Variants in ROBO1 observed in about 807,000 individuals in gnomAD.
The protein encoded by ROBO1 is roundabout guidance receptor 1.
In ROBO1, 149 loss-of-function variants were observed where a neutral mutation model predicts 195.9. That is an observed-to-expected ratio of 0.76 (90% CI 0.67 to 0.87). The LOEUF (loss-of-function observed/expected upper bound fraction) is 0.87, where lower values mean the gene tolerates loss of function less well. Among genes scored for constraint, ROBO1 ranks in the 40% least tolerant of loss-of-function variants. ROBO1 has a pLI of 0.00. For missense variants in ROBO1, 1,933 were observed against 2,068.3 expected, an observed-to-expected ratio of 0.93 and a Z score of 1.27; for synonymous variants, 816 against 733.2, an observed-to-expected ratio of 1.11 and a Z score of -1.82.
chr3:79,473,617 C>T (rs1164031778), intron 2 of ROBO1, among the ~76,000 whole-genome samples: 1 of 151,944 alleles, frequency 6.6e-6, no homozygotes, highest in Non-Finnish European at 1.5e-5. Flanking sequence ...AAATTATTTT[C>T]AGTGATAGTC....
At chr3:79,545,162 A>C (rs1294908427) in intron 2 of ROBO1, among the ~76,000 whole-genome samples, 2 of 152,192 alleles carry the variant, frequency 1.3e-5, no homozygotes, top group African/African-American at 4.8e-5. Context: ...TAAACTGCAG[A>C]GTTCCAAGGA....
intron 7 of ROBO1, among the ~76,000 whole-genome samples, chr3:78,716,006 T>G (rs1292984441): frequency 6.6e-6 from 1 of 152,224 alleles, no homozygotes; most frequent in African/African-American, 2.4e-5. Context: ...ATGCTAAACT[T>G]TATGCCATTC....
At chr3:78,673,546 C>A (rs1379355764) in intron 10 of ROBO1, among the ~76,000 whole-genome samples, 44 of 78,904 alleles carry the variant, frequency 5.6e-4, no homozygotes, top group South Asian at 8.2e-4. Flanking sequence ...TATATTACAG[C>A]TAGGTTACAT....
chr3:79,315,799 A>C (rs1207356263), intron 2 of ROBO1, among the ~76,000 whole-genome samples: 1 of 152,224 alleles, frequency 6.6e-6, no homozygotes, highest in African/African-American at 2.4e-5. Flanking sequence ...GCAACTGCCA[A>C]CATACACATA....
At chr3:79,002,197 C>T (rs1030525757) in intron 3 of ROBO1, among the ~76,000 whole-genome samples, 1 of 152,080 alleles carries the variant, frequency 6.6e-6, no homozygotes, top group Non-Finnish European at 1.5e-5. Context: ...ACATGAAATG[C>T]TGGCCTGGAA....
intron 1 of ROBO1, among the ~76,000 whole-genome samples, chr3:79,654,100 C>T (rs577761516): frequency 2.0e-5 from 3 of 151,990 alleles, no homozygotes; most frequent in East Asian, 1.9e-4. Flanking sequence ...GTTACAAGCA[C>T]GTTTATAAAG....
intron 4 of ROBO1, among the ~76,000 whole-genome samples, chr3:78,853,582 T>C (rs1391299526): frequency 5.3e-5 from 8 of 151,966 alleles, no homozygotes; most frequent in Admixed American, 5.3e-4. Context: ...GATGTTGCTA[T>C]AAAGGTATTT....
chr3:79,744,635 C>T (rs969241881), intron 1 of ROBO1, among the ~76,000 whole-genome samples: 2 of 152,098 alleles, frequency 1.3e-5, no homozygotes, highest in African/African-American at 4.8e-5. Flanking sequence ...GTCTCCAGAA[C>T]TATGAGAAGT....
At chr3:79,584,507 A>G (rs1341464325) in intron 2 of ROBO1, among the ~76,000 whole-genome samples, 1 of 151,534 alleles carries the variant, frequency 6.6e-6, no homozygotes, top group Non-Finnish European at 1.5e-5. Flanking sequence ...ATCAATGAGC[A>G]GAGTGGGAGG....
At chr3:79,537,225 A>G (rs1011218568) in intron 2 of ROBO1, among the ~76,000 whole-genome samples, 1 of 152,008 alleles carries the variant, frequency 6.6e-6, no homozygotes, top group Non-Finnish European at 1.5e-5. Context: ...CTTGAACTCT[A>G]GCTTCTAGGG....
intron 3 of ROBO1, chr3:79,019,599 C>T: frequency 1.0e-6 from 1 of 972,948 alleles, no homozygotes; most frequent in Non-Finnish European, 1.2e-6. Context: ...AGTTCTGCTC[C>T]TCAATATTTC....
At chr3:78,685,032 G>A (rs752449798) in intron 10 of ROBO1, among the ~76,000 whole-genome samples, 4 of 151,760 alleles carry the variant, frequency 2.6e-5, no homozygotes, top group African/African-American at 9.7e-5. Flanking sequence ...TCATGGCTTT[G>A]GTTCTATTTT....
intron 2 of ROBO1, among the ~76,000 whole-genome samples, chr3:79,468,613 A>G (rs543337060): frequency 6.6e-6 from 1 of 152,226 alleles, no homozygotes; most frequent in Non-Finnish European, 1.5e-5. Context: ...TGGAAAGAGC[A>G]TGAAGAAAAA....
At chr3:79,113,506 G>C (rs1020640746) in intron 3 of ROBO1, among the ~76,000 whole-genome samples, 2 of 151,962 alleles carry the variant, frequency 1.3e-5, no homozygotes, top group Admixed American at 1.3e-4. Context: ...AGTGGCTCAC[G>C]CTTGTAATCC....
chr3:79,101,067 A>C (rs2108510318), intron 3 of ROBO1, among the ~76,000 whole-genome samples: 1 of 151,914 alleles, frequency 6.6e-6, no homozygotes, highest in East Asian at 1.9e-4. Context: ...TTTGTGTATT[A>C]TGCAGATAGA....
intron 3 of ROBO1, among the ~76,000 whole-genome samples, chr3:79,039,076 T>G (rs2078433601): frequency 6.6e-6 from 1 of 152,180 alleles, no homozygotes; most frequent in South Asian, 2.1e-4. Flanking sequence ...GATTGAAGAC[T>G]CATTTTTAGA....
At chr3:79,121,593 A>T (rs2080117411) in intron 3 of ROBO1, among the ~76,000 whole-genome samples, 1 of 151,996 alleles carries the variant, frequency 6.6e-6, no homozygotes, top group South Asian at 2.1e-4. Context: ...TTTTACTTAA[A>T]TTGACAGTGA....
At chr3:78,641,322 C>T (rs1446171259) in intron 21 of ROBO1, among the ~76,000 whole-genome samples, 1 of 152,136 alleles carries the variant, frequency 6.6e-6, no homozygotes, top group East Asian at 1.9e-4. Flanking sequence ...ACTTTACACT[C>T]TAAGATTTTA....
At chr3:79,602,910 T>C (rs936010550) in intron 1 of ROBO1, among the ~76,000 whole-genome samples, 1 of 152,000 alleles carries the variant, frequency 6.6e-6, no homozygotes, top group Non-Finnish European at 1.5e-5. Context: ...AATATTAATA[T>C]TTTTGCATGT....
Sources: allele counts gnomAD v4.1 joint callset (sites outside exome capture counted in the v4.1 genomes callset), GRCh38; gene constraint gnomAD v4.1.1; transcripts MANE v1.5; gene names NCBI Gene and HGNC (gene_info 2026-07-23, HGNC 2026-07-21).